Variants in GRIK1 observed in about 807,000 individuals in gnomAD.
GRIK1 encodes glutamate receptor ionotropic, kainate 1.
GRIK1 carries 69 observed loss-of-function variants against 105.7 expected under a neutral mutation model. The observed-to-expected ratio is 0.65, with a 90% CI of 0.54 to 0.80. GRIK1 has a LOEUF of 0.80. GRIK1 is among the 30% of genes least tolerant of loss of function. GRIK1 has a pLI of 0.00. For missense variants in GRIK1, 1,109 were observed against 1,167.3 expected (o/e 0.95, Z 0.73); for synonymous variants, 438 against 431.3 (o/e 1.02, Z -0.19).
intron 1 of GRIK1, among the ~76,000 whole-genome samples, chr21:29,840,059 G>A (rs1053238241): frequency 1.3e-5 from 2 of 152,138 alleles, no homozygotes; most frequent in Non-Finnish European, 1.5e-5. Context: ...AGTTGGGGAT[G>A]GACTTCCAGA....
chr21:29,849,557 T>G (rs1425151852), intron 1 of GRIK1, among the ~76,000 whole-genome samples: 1 of 152,188 alleles, frequency 6.6e-6, no homozygotes, highest in Non-Finnish European at 1.5e-5. Context: ...TCATTAAGGA[T>G]AAGTGTAGAG....
At chr21:29,541,711 C>T (rs2089975491) in intron 16 of GRIK1, among the ~76,000 whole-genome samples, 1 of 70,836 alleles carries the variant, frequency 1.4e-5, no homozygotes, top group South Asian at 5.8e-4. Context: ...AAATAGTTCC[C>T]ATAGGTGTTA....
chr21:29,584,897 C>G (rs2091097447), intron 12 of GRIK1, among the ~76,000 whole-genome samples: 2 of 152,092 alleles, frequency 1.3e-5, no homozygotes, highest in Non-Finnish European at 2.9e-5. Flanking sequence ...TTTTGGGAAT[C>G]AAGTCTAAAT....
chr21:29,783,937 C>T (rs761320035), intron 1 of GRIK1, among the ~76,000 whole-genome samples: 5 of 152,064 alleles, frequency 3.3e-5, no homozygotes, highest in Admixed American at 6.5e-5. Context: ...TTTTTTTGCT[C>T]TTTGTTTTTT....
chr21:29,916,384 T>C lies in GRIK1; in HGVS notation c.118+22999A>G, dbSNP rs528448758. On this transcript the variant is annotated intron_variant, in intron 1 of 17. Coordinates refer to ENST00000327783, the MANE Select transcript of GRIK1 (RefSeq NM_001330994.2). ...AGTGGGAGCCAGAGAATAACCTGTT[T>C]CTGTAAAAAAAAATTTAAGAAGCAG... 3.0e-3 allele frequency among the ~76,000 whole-genome samples: 450 copies of C among 152,036 alleles called. 4 individuals are homozygous for C. Among genetic ancestry groups the C allele is most frequent in the African/African-American group, 0.01 (436 of 41,544 alleles).
intron 2 of GRIK1, among the ~76,000 whole-genome samples, chr21:29,692,422 G>A (rs964499524): frequency 6.6e-6 from 1 of 152,118 alleles, no homozygotes; most frequent in Admixed American, 6.5e-5. Flanking sequence ...GGATAGCTTG[G>A]AAACTTTAAA....
At chr21:29,794,137 G>A (rs541668301) in intron 1 of GRIK1, among the ~76,000 whole-genome samples, 3 of 152,068 alleles carry the variant, frequency 2.0e-5, no homozygotes, top group Admixed American at 1.3e-4. Context: ...ACCAAAAATA[G>A]GATTTTGTTT....
intron 1 of GRIK1, among the ~76,000 whole-genome samples, chr21:29,800,734 A>G (rs1022738193): frequency 6.6e-6 from 1 of 152,248 alleles, no homozygotes; most frequent in Admixed American, 6.5e-5. Context: ...ACAAGAAAGT[A>G]TAAGACATGG....
At chr21:29,826,635 A>G (rs1203625955) in intron 1 of GRIK1, among the ~76,000 whole-genome samples, 1 of 152,002 alleles carries the variant, frequency 6.6e-6, no homozygotes, top group Non-Finnish European at 1.5e-5. Context: ...TGATGAGCCA[A>G]TTTTACATAG....
At chr21:29,931,363 G>C (rs1282254630) in intron 1 of GRIK1, among the ~76,000 whole-genome samples, 1 of 152,132 alleles carries the variant, frequency 6.6e-6, no homozygotes, top group Non-Finnish European at 1.5e-5. Context: ...ATGCTACTCT[G>C]TTGGAATTTG....
At chr21:29,594,203 GTGTA>G (rs986345701) in intron 9 of GRIK1, among the ~76,000 whole-genome samples, 5 of 138,626 alleles carry the variant, frequency 3.6e-5, no homozygotes, top group African/African-American at 1.2e-4. Flanking sequence ...GTGTGTGTGT[GTGTA>G]TGTGCACGCA....
At chr21:29,908,081 T>C (rs1461752582) in intron 1 of GRIK1, among the ~76,000 whole-genome samples, 2 of 152,104 alleles carry the variant, frequency 1.3e-5, no homozygotes, top group Non-Finnish European at 2.9e-5. Flanking sequence ...TGGGCACTTA[T>C]TATACACCAG....
chr21:29,796,386 C>T (rs1432496897), intron 1 of GRIK1, among the ~76,000 whole-genome samples: 1 of 152,012 alleles, frequency 6.6e-6, no homozygotes, highest in African/African-American at 2.4e-5. Context: ...TTAATGATAA[C>T]TGATACAGGT....
At chr21:29,870,817 C>T (rs1020262247) in intron 1 of GRIK1, among the ~76,000 whole-genome samples, 1 of 152,004 alleles carries the variant, frequency 6.6e-6, no homozygotes, top group Non-Finnish European at 1.5e-5. Flanking sequence ...TCTTTAAATG[C>T]TTCTTTGACC....
At chr21:29,674,274 C>T (rs1420029781) in intron 3 of GRIK1, among the ~76,000 whole-genome samples, 2 of 144,916 alleles carry the variant, frequency 1.4e-5, no homozygotes, top group African/African-American at 5.3e-5. Context: ...TTTTTTTTTA[C>T]CAGAAGTTAC....
intron 3 of GRIK1, among the ~76,000 whole-genome samples, chr21:29,688,057 T>C (rs757808537): frequency 5.3e-5 from 8 of 152,206 alleles, no homozygotes; most frequent in Non-Finnish European, 1.2e-4. Context: ...ATGATATTCT[T>C]TTTCAAAGCC....
In GRIK1 at chr21:29,733,838, G is replaced by A. The variant is rs145888458; in HGVS notation, c.119-39775C>T. Among the ~76,000 whole-genome samples, 524 of 152,220 alleles carry A rather than the reference G, an allele frequency of 3.4e-3. 4 individuals are homozygous for A. The highest frequency in any genetic ancestry group is 0.012 in the African/African-American group (496 of 41,540). On this transcript the variant is annotated intron_variant, in intron 1 of 17. Transcript: ENST00000327783. ...GTCACTCAGTGCAGTTAAAAGAGAT[G>A]CACAGTAGCACATCATTGTATGACA...
intron 1 of GRIK1, among the ~76,000 whole-genome samples, chr21:29,796,142 A>G (rs559050431): frequency 1.3e-5 from 2 of 152,344 alleles, no homozygotes; most frequent in South Asian, 4.1e-4. Context: ...AAGAAAGTTT[A>G]TGAAAATGTG....
chr21:29,544,568 G>A (rs1301925974), intron 16 of GRIK1, among the ~76,000 whole-genome samples: 2 of 152,110 alleles, frequency 1.3e-5, no homozygotes, highest in African/African-American at 4.8e-5. Context: ...TATCTTCAGG[G>A]TAGGGATGAT....
Sources: allele counts gnomAD v4.1 joint callset (sites outside exome capture counted in the v4.1 genomes callset), GRCh38; gene constraint gnomAD v4.1.1; transcripts MANE v1.5; gene names NCBI Gene and HGNC (gene_info 2026-07-23, HGNC 2026-07-21).